GALNT1: variants seen among roughly 807,000 people sequenced by gnomAD.
The protein encoded by GALNT1 is polypeptide N-acetylgalactosaminyltransferase 1, also known as GalNAc transferase 1.
A neutral mutation model predicts 65.7 loss-of-function variants in GALNT1; 17 were observed. That is an observed-to-expected ratio of 0.26 (90% CI 0.18 to 0.39). GALNT1 has a LOEUF of 0.39. GALNT1 is among the 10% of genes least tolerant of loss of function. The pLI, the probability that GALNT1 is intolerant of heterozygous loss-of-function variation, is 1.00. For synonymous variants in GALNT1, 210 were observed against 219.7 expected (o/e 0.96, Z 0.39); for missense variants, 460 against 672.8 (o/e 0.68, Z 3.50).
At chr18:35,598,103 C>T (rs536488906) in intron 1 of GALNT1, among the ~76,000 whole-genome samples, 6 of 146,360 alleles carry the variant, frequency 4.1e-5, no homozygotes, top group South Asian at 2.2e-4. Context: ...AGTGCAGTGG[C>T]GCGACCTCAG....
intron 1 of GALNT1, among the ~76,000 whole-genome samples, chr18:35,642,954 A>G (rs949768337): frequency 3.3e-5 from 5 of 151,788 alleles, no homozygotes; most frequent in Non-Finnish European, 7.4e-5. Context: ...GGCCTTCTCC[A>G]TGTCGGGGGC....
At chr18:35,692,674 T>G (rs949927698) in intron 9 of GALNT1, among the ~76,000 whole-genome samples, 3 of 152,148 alleles carry the variant, frequency 2.0e-5, no homozygotes, top group Non-Finnish European at 4.4e-5. Context: ...AAAAGACTTC[T>G]TTGCAGGTCT....
intron 3 of GALNT1, among the ~76,000 whole-genome samples, chr18:35,673,328 C>G (rs1016150066): frequency 6.6e-6 from 1 of 152,100 alleles, no homozygotes; most frequent in Non-Finnish European, 1.5e-5. Flanking sequence ...TACTATAGTT[C>G]TTGACATATA....
At chr18:35,663,927 C>G in intron 3 of GALNT1, 125 bp downstream of exon 3, 1 of 791,358 alleles carries the variant, frequency 1.3e-6, no homozygotes, top group African/African-American at 1.8e-5. Context: ...CTACTTACCC[C>G]ACTTAGAAAA....
At chr18:35,692,619 A>G (rs2047986450) in intron 9 of GALNT1, among the ~76,000 whole-genome samples, 1 of 151,996 alleles carries the variant, frequency 6.6e-6, no homozygotes, top group African/African-American at 2.4e-5. Context: ...AGACTGCACC[A>G]TCTGCAATTG....
intron 1 of GALNT1, among the ~76,000 whole-genome samples, chr18:35,635,416 G>T (rs145533210): frequency 6.6e-6 from 1 of 152,264 alleles, no homozygotes; most frequent in East Asian, 1.9e-4. Context: ...AATGCTGACA[G>T]CCTGGTACAT....
intron 1 of GALNT1, among the ~76,000 whole-genome samples, chr18:35,614,965 T>C (rs1257134253): frequency 6.6e-6 from 1 of 152,030 alleles, no homozygotes; most frequent in African/African-American, 2.4e-5. Flanking sequence ...AAGACCTAAA[T>C]AAATGTGACG....
chr18:35,630,912 A>G (rs1298885499), intron 1 of GALNT1, among the ~76,000 whole-genome samples: 1 of 152,262 alleles, frequency 6.6e-6, no homozygotes, highest in Non-Finnish European at 1.5e-5. Context: ...ACCATCAGAG[A>G]ATACTATAAA....
intron 1 of GALNT1, among the ~76,000 whole-genome samples, chr18:35,587,509 G>T (rs2046391386): frequency 6.6e-6 from 1 of 152,132 alleles, no homozygotes; most frequent in African/African-American, 2.4e-5. Context: ...TATCAAGTTA[G>T]GGAAGTTCCT....
intron 11 of GALNT1, among the ~76,000 whole-genome samples, chr18:35,709,107 TATCAGAA>T (rs1402140908): frequency 6.6e-6 from 1 of 152,208 alleles, no homozygotes; most frequent in Admixed American, 6.5e-5. Flanking sequence ...GATTTTGAGT[TATCAGAA>T]AGACCTGAGT....
chr18:35,632,824 A>G (rs1188191699), intron 1 of GALNT1, among the ~76,000 whole-genome samples: 1 of 152,238 alleles, frequency 6.6e-6, no homozygotes, highest in Admixed American at 6.5e-5. Context: ...TAATATCCAG[A>G]ATCTACAAAG....
At chr18:35,647,029 C>T (rs538843313) in intron 1 of GALNT1, among the ~76,000 whole-genome samples, 7 of 152,312 alleles carry the variant, frequency 4.6e-5, no homozygotes, top group Non-Finnish European at 8.8e-5. Context: ...TTTGTCCCAT[C>T]GTATCTCTTG....
chr18:35,615,010 A>G (rs1215764588), intron 1 of GALNT1, among the ~76,000 whole-genome samples: 1 of 152,166 alleles, frequency 6.6e-6, no homozygotes, highest in Non-Finnish European at 1.5e-5. Flanking sequence ...GTTTCCTATA[A>G]ACGTATCAAT....
intron 1 of GALNT1, among the ~76,000 whole-genome samples, chr18:35,645,229 T>G (rs1209688962): frequency 1.0e-4 from 13 of 130,648 alleles, no homozygotes; most frequent in East Asian, 4.3e-4. Context: ...TTTTTTTTTT[T>G]TTTTTTTTTT....
At chr18:35,611,331 A>G (rs946048478) in intron 1 of GALNT1, among the ~76,000 whole-genome samples, 6 of 152,160 alleles carry the variant, frequency 3.9e-5, no homozygotes, top group African/African-American at 1.4e-4. Flanking sequence ...AGGCAGGAAT[A>G]CTGTGTGAGA....
intron 2 of GALNT1, among the ~76,000 whole-genome samples, chr18:35,657,364 G>A (rs1299279701): frequency 4.6e-5 from 7 of 152,218 alleles, no homozygotes; most frequent in Non-Finnish European, 8.8e-5. Flanking sequence ...AAAGGGCTGG[G>A]ATTACAGGTG....
chr18:35,681,652 C>T (rs1187100842), intron 4 of GALNT1, among the ~76,000 whole-genome samples: 2 of 152,060 alleles, frequency 1.3e-5, no homozygotes, highest in African/African-American at 4.8e-5. Flanking sequence ...CTTGATTGAT[C>T]TAAGGTACTA....
chr18:35,587,869 C>A (rs1196487030), intron 1 of GALNT1, among the ~76,000 whole-genome samples: 1 of 152,124 alleles, frequency 6.6e-6, no homozygotes, highest in Admixed American at 6.5e-5. Flanking sequence ...AATTCAATGT[C>A]TGTTTTTATT....
intron 3 of GALNT1, among the ~76,000 whole-genome samples, chr18:35,674,965 A>G (rs2047687586): frequency 7.1e-6 from 1 of 140,970 alleles, no homozygotes; most frequent in South Asian, 2.5e-4. Context: ...CCTGAGCGAC[A>G]GAGCGAGACT....
Sources: gnomAD v4.1 joint callset for allele counts (sites outside exome capture counted in the v4.1 genomes callset) on GRCh38, gnomAD v4.1.1 for gene constraint, MANE v1.5 for transcripts, NCBI Gene and HGNC (gene_info 2026-07-23, HGNC 2026-07-21) for gene names.